MTHFD1L: variants seen among roughly 807,000 people sequenced by gnomAD.
The protein encoded by MTHFD1L is monofunctional C1-tetrahydrofolate synthase, mitochondrial.
Under a neutral mutation model 119.5 loss-of-function variants are expected in MTHFD1L, and 81 were observed. The ratio of observed to expected loss-of-function variants is 0.68; its 90% CI spans 0.57 to 0.82. The LOEUF is 0.82. Ranked by LOEUF, MTHFD1L falls within the 40% of genes least tolerant of loss-of-function variation. MTHFD1L has a pLI of 0.00. For missense variants in MTHFD1L, 1,125 were observed against 1,253.4 expected (o/e 0.90, Z 1.55); for synonymous variants, 430 against 475.2 (o/e 0.90, Z 1.24).
At chr6:150,867,542 C>T (rs967927353) in intron 1 of MTHFD1L, among the ~76,000 whole-genome samples, 3 of 151,984 alleles carry the variant, frequency 2.0e-5, no homozygotes, top group South Asian at 2.1e-4. Flanking sequence ...CCAGGATAGG[C>T]GGCAAAAAAA....
In MTHFD1L at chr6:150,966,501, C is replaced by T. The variant is rs551822068; in HGVS notation, c.2013+1464C>T. On this transcript the variant is annotated intron_variant, in intron 19 of 27. Coordinates refer to ENST00000367321, the MANE Select transcript of MTHFD1L (RefSeq NM_015440.5). Reference sequence around the variant, plus strand: ...TGAGATGTGGGTGGGGACACAGAGCCAAACCATATCAGAACCAATATGACA... The same window carrying T: ...TGAGATGTGGGTGGGGACACAGAGCTAAACCATATCAGAACCAATATGACA... Among the ~76,000 whole-genome samples the T allele has an allele frequency of 6.6e-5, 10 of 152,202 alleles. No individual in the cohort carries two copies. The South Asian group carries it at 1.5e-3, about 22-fold the overall frequency.
At chr6:151,038,509 C>G (rs962452025) in intron 26 of MTHFD1L, among the ~76,000 whole-genome samples, 1 of 152,150 alleles carries the variant, frequency 6.6e-6, no homozygotes. Context: ...GAACTTGAAT[C>G]TGATCTCTAC....
At chr6:151,070,121 G>T (rs1184168935) in intron 26 of MTHFD1L, among the ~76,000 whole-genome samples, 1 of 152,178 alleles carries the variant, frequency 6.6e-6, no homozygotes. Flanking sequence ...TCTGATCATG[G>T]AGAATTAGAT....
chr6:151,079,121 G>T (rs1435542450), intron 26 of MTHFD1L, among the ~76,000 whole-genome samples: 2 of 152,128 alleles, frequency 1.3e-5, no homozygotes, highest in Admixed American at 1.3e-4. Flanking sequence ...GAAACAAGCT[G>T]CAGAAGAACA....
At chr6:151,062,813 A>T (rs1392077968) in intron 26 of MTHFD1L, among the ~76,000 whole-genome samples, 1 of 140,724 alleles carries the variant, frequency 7.1e-6, no homozygotes, top group Non-Finnish European at 1.5e-5. Flanking sequence ...CTTGGATAGA[A>T]GGATACAAGA....
chr6:151,026,273 G>A (rs950197472), intron 24 of MTHFD1L, among the ~76,000 whole-genome samples: 6 of 152,156 alleles, frequency 3.9e-5, no homozygotes, highest in African/African-American at 1.4e-4. Context: ...CTATTTCTTC[G>A]TGGAGTCATT....
chr6:150,922,288 C>G lies in MTHFD1L; in HGVS notation c.1068C>G (p.Leu356=). 1 of 1,613,910 alleles carries G rather than the reference C, an allele frequency of 6.2e-7. No individual in the cohort carries two copies. Among genetic ancestry groups the G allele is most frequent in the African/African-American group, 1.3e-5 (1 of 75,052 alleles). Residue 356 remains leucine, a synonymous_variant, in exon 10 of 28, where the codon CTC becomes CTG. Transcript: ENST00000367321. ...WRLHCLKLQP[L]SPVPSDIEIS... ...TTCACTGCTTGAAACTTCAGCCTCT[C>G]TCCCCTGTGCCAAGGTAACACTGGT... is the stretch of plus-strand genomic sequence containing the variant.
chr6:150,977,899 C>A (rs6913357), intron 20 of MTHFD1L, among the ~76,000 whole-genome samples: 9 of 148,882 alleles, frequency 6.0e-5, no homozygotes, highest in African/African-American at 2.2e-4. Flanking sequence ...TATATATATA[C>A]ACCTTTTTTT....
chr6:151,031,197 C>T (rs1785293795), intron 24 of MTHFD1L, among the ~76,000 whole-genome samples: 1 of 152,320 alleles, frequency 6.6e-6, no homozygotes, highest in African/African-American at 2.4e-5. Flanking sequence ...ATAGTTCTTC[C>T]TTAAACACTG....
At chr6:150,919,302 C>A (rs1402829853) in intron 9 of MTHFD1L, among the ~76,000 whole-genome samples, 2 of 151,964 alleles carry the variant, frequency 1.3e-5, no homozygotes, top group Non-Finnish European at 2.9e-5. Flanking sequence ...TGGCTCACTG[C>A]AACCTCCACC....
intron 26 of MTHFD1L, among the ~76,000 whole-genome samples, chr6:151,046,096 T>C (rs1455741367): frequency 6.6e-6 from 1 of 152,190 alleles, no homozygotes; most frequent in Non-Finnish European, 1.5e-5. Flanking sequence ...GAGGATCTTC[T>C]CTCCCCTAGT....
At chr6:151,006,058 T>C (rs1334079013) in intron 20 of MTHFD1L, among the ~76,000 whole-genome samples, 1 of 152,132 alleles carries the variant, frequency 6.6e-6, no homozygotes, top group African/African-American at 2.4e-5. Context: ...TGCCAGGTAC[T>C]GCGTTAGGAA....
At chr6:150,875,875 A>G (rs1326297732) in intron 1 of MTHFD1L, 3 of 486,440 alleles carry the variant, frequency 6.2e-6, no homozygotes, top group Non-Finnish European at 1.1e-5. Flanking sequence ...CCCTCTGCAT[A>G]TTTTAAAAAC....
intron 26 of MTHFD1L, among the ~76,000 whole-genome samples, chr6:151,082,090 A>C (rs987144166): frequency 4.6e-5 from 7 of 152,218 alleles, no homozygotes; most frequent in African/African-American, 1.2e-4. Flanking sequence ...TGAGTTTCCA[A>C]ACAATAAAAT....
At chr6:150,929,768 A>C (rs1790689024) in intron 11 of MTHFD1L, among the ~76,000 whole-genome samples, 1 of 152,238 alleles carries the variant, frequency 6.6e-6, no homozygotes, top group Non-Finnish European at 1.5e-5. Context: ...TCAAGAACAG[A>C]TTAAACACCA....
chr6:150,966,487 TG>T (rs1431948607), intron 19 of MTHFD1L, among the ~76,000 whole-genome samples: 3 of 152,064 alleles, frequency 2.0e-5, no homozygotes, highest in East Asian at 3.9e-4. Flanking sequence ...GAGATGTGGG[TG>T]GGGACACAGA....
chr6:151,003,826 G>T (rs1398642987), intron 20 of MTHFD1L, among the ~76,000 whole-genome samples: 4 of 152,076 alleles, frequency 2.6e-5, no homozygotes, highest in Non-Finnish European at 4.4e-5. Flanking sequence ...CCTGGGCTGG[G>T]CATCAGAGGG....
chr6:150,916,366 A>T (rs1211584597), intron 8 of MTHFD1L, among the ~76,000 whole-genome samples: 5 of 110,310 alleles, frequency 4.5e-5, no homozygotes, highest in Non-Finnish European at 6.7e-5. Context: ...GAGTGGTGTG[A>T]TCTCGGCTCA....
At chr6:150,977,902 C>CTTTTTTTTTTTTT (rs11355188) in intron 20 of MTHFD1L, among the ~76,000 whole-genome samples, 1 of 141,120 alleles carries the variant, frequency 7.1e-6, no homozygotes, top group African/African-American at 2.6e-5. Flanking sequence ...ATATATACAC[C>CTTTTTTTTTTTTT]TTTTTTTTTT....
Sources: allele counts gnomAD v4.1 joint callset (sites outside exome capture counted in the v4.1 genomes callset), GRCh38; gene constraint gnomAD v4.1.1; transcripts MANE v1.5; gene names NCBI Gene and HGNC (gene_info 2026-07-23, HGNC 2026-07-21).